Variants in ORAI3 observed in about 807,000 individuals in gnomAD.
The protein encoded by ORAI3 is ORAI calcium release-activated calcium modulator 3.
ORAI3 carries 15 observed loss-of-function variants against 17.2 expected under a neutral mutation model. The ratio of observed to expected loss-of-function variants is 0.87; its 90% CI spans 0.58 to 1.34. The LOEUF (loss-of-function observed/expected upper bound fraction) is 1.34, where lower values mean the gene tolerates loss of function less well. ORAI3 is among the 40% of genes most tolerant of loss of function. The probability of loss-of-function intolerance (pLI) is 0.00; values close to 1 mark genes in which losing one functional copy is unlikely to be tolerated. For missense variants in ORAI3, 405 were observed against 396.7 expected (o/e 1.02, Z -0.18); for synonymous variants, 178 against 172.4 (o/e 1.03, Z -0.25).
At chr16:30,951,400 C>G (rs535378003) in intron 1 of ORAI3, among the ~76,000 whole-genome samples, 2 of 152,310 alleles carry the variant, frequency 1.3e-5, no homozygotes, top group East Asian at 3.9e-4. Flanking sequence ...GTTAAGACAC[C>G]TGCCCAAGGT....
Position 30,953,957 on chromosome 16 carries a change from T to A in ORAI3, c.*113T>A. On this transcript the variant is annotated 3_prime_UTR_variant, in exon 2 of 2. Transcript: ENST00000318663. ...ATCCCCTGGCTGGAGCCACTTCCAGTGGCCACTCTCAGGCAGAGTTCAGAT... is the reference window on the plus strand; with the variant it reads ...ATCCCCTGGCTGGAGCCACTTCCAGAGGCCACTCTCAGGCAGAGTTCAGAT... 1 of 1,199,438 alleles carries A rather than the reference T, an allele frequency of 8.3e-7. No homozygotes were observed. The highest frequency in any genetic ancestry group is 1.3e-5 in the South Asian group (1 of 78,724). 74.3% of individuals were successfully genotyped at this position (1,199,438 alleles called of 1,614,324 possible).
At chr16:30,950,324 C>A (rs563881125) in intron 1 of ORAI3, among the ~76,000 whole-genome samples, 1 of 152,156 alleles carries the variant, frequency 6.6e-6, no homozygotes, top group African/African-American at 2.4e-5. Flanking sequence ...GCCAAGTAAC[C>A]GCCCCAGGGT....
At chr16:30,953,125 G>GA (rs2055932054) in intron 1 of ORAI3, 60 bp from the exon 2 acceptor site, 4 of 1,499,604 alleles carry the variant, frequency 2.7e-6, no homozygotes, top group Non-Finnish European at 3.6e-6. Flanking sequence ...CCGATAGGCG[G>GA]AAAAAATCTC....
Position 30,953,960 on chromosome 16 carries a change from C to A in ORAI3, c.*116C>A. The A allele has an allele frequency of 8.5e-7, 1 of 1,171,872 alleles. No homozygotes were observed. The highest frequency in any genetic ancestry group is 1.2e-6 in the Non-Finnish European group (1 of 813,624). 72.6% of individuals were successfully genotyped at this position (1,171,872 alleles called of 1,614,324 possible). On this transcript the variant is annotated 3_prime_UTR_variant, in exon 2 of 2. Transcript: ENST00000318663. ...CCCTGGCTGGAGCCACTTCCAGTGG[C>A]CACTCTCAGGCAGAGTTCAGATTCC...
chr16:30,949,349 C>A lies in ORAI3; in HGVS notation c.60C>A (p.Ser20Arg). ...EQAPLNPEGE[S>R]PAGSATYREF... ...CCCCGCTGAACCCTGAGGGCGAGAG[C>A]CCTGCAGGCTCGGCCACGTACCGGG... is the stretch of plus-strand genomic sequence containing the variant. Residue 20 changes from serine (S) to arginine (R), a missense_variant, in exon 1 of 2, where the codon AGC (serine) becomes AGA (arginine). Ser to Arg is a moderately radical substitution (Grantham distance 110, BLOSUM62 -1). Transcript: ENST00000318663. The A allele has an allele frequency of 6.5e-7, 1 of 1,537,610 alleles. No homozygotes were observed. The highest frequency in any genetic ancestry group is 8.7e-7 in the Non-Finnish European group (1 of 1,143,536).
chr16:30,953,659 G>T lies in ORAI3; in HGVS notation c.703G>T (p.Gly235Cys). 1 of 1,614,118 alleles carries T rather than the reference G, an allele frequency of 6.2e-7. No homozygotes were observed. The highest frequency in any genetic ancestry group is 8.5e-7 in the Non-Finnish European group (1 of 1,180,020). The change falls in exon 2 of 2, where the codon GGT (glycine) becomes TGT (cysteine). Residue 235 changes from glycine (G) to cysteine (C), a missense_variant. Gly to Cys is a radical substitution (Grantham distance 159, BLOSUM62 -3). Transcript: ENST00000318663. ...CCCACCCCGGCAAGCCTGTGGTGGTGGTGGGGCCCATGGGCCAGGCTGGCA... is the reference window on the plus strand; with the variant it reads ...CCCACCCCGGCAAGCCTGTGGTGGTTGTGGGGCCCATGGGCCAGGCTGGCA... ...ACPPRQACGG[G>C]GAHGPGWQAA...
Position 30,949,516 on chromosome 16 carries a change from TGGTGAGGGGCCGGGAGGGGTCACACCC to T in ORAI3, c.228+4_228+30del. On this transcript the variant is annotated splice_donor_variant and splice_donor_5th_base_variant and coding_sequence_variant and intron_variant, in exon 1 of 2. Coordinates refer to ENST00000318663, the MANE Select transcript of ORAI3 (RefSeq NM_152288.3). LOFTEE classifies it high-confidence loss of function. ...TCTGCCTTGCTCTCGGGCTTCGCCATGGTGAGGGGCCGGGAGGGGTCACACCCGGTGGGGCAGAGCAAGTGGGGGGCA... is the reference window on the plus strand; with the variant it reads ...TCTGCCTTGCTCTCGGGCTTCGCCATGGTGGGGCAGAGCAAGTGGGGGGCA... 3.2e-6 allele frequency: 4 copies of T among 1,266,976 alleles called. No individual in the cohort carries two copies. Among genetic ancestry groups the T allele is most frequent in the Non-Finnish European group, 4.0e-6 (4 of 988,624 alleles). The allele number at this position is 1,266,976 out of a possible 1,614,324, so 78.5% of individuals were successfully genotyped here. A position where few individuals can be genotyped will look rare whatever the true frequency, so the allele number is the denominator to read the frequency against.
intron 1 of ORAI3, 59 bp downstream of exon 1, chr16:30,949,576 G>C (rs1258300405): frequency 1.0e-5 from 8 of 803,776 alleles, no homozygotes; most frequent in East Asian, 4.9e-5. Flanking sequence ...GCACAGGTCG[G>C]GGGGGGGGCG....
At chr16:30,951,705 T>C (rs1162605229) in intron 1 of ORAI3, among the ~76,000 whole-genome samples, 1 of 150,144 alleles carries the variant, frequency 6.7e-6, no homozygotes, top group Admixed American at 6.6e-5. Flanking sequence ...AGACCTGGCA[T>C]CTACCAAAAA....
At position 30,954,679 on chromosome 16, in the gene ORAI3, C is replaced by A; in HGVS notation, c.*835C>A. The A allele has an allele frequency of 6.4e-6, 1 of 156,242 alleles. No homozygotes were observed. The highest frequency in any genetic ancestry group is 1.4e-5 in the Non-Finnish European group (1 of 70,752). The allele number at this position is 156,242 out of a possible 1,614,324, so 9.7% of individuals were successfully genotyped here. A position where few individuals can be genotyped will look rare whatever the true frequency, so the allele number is the denominator to read the frequency against. On this transcript the variant is annotated 3_prime_UTR_variant, in exon 2 of 2. Transcript: ENST00000318663. Reference sequence around the variant, plus strand: ...CCCCACCTTCCCCCACTGTGGTGACCTGTGGCCACTTGCAGAAGGGATGGT... The same window carrying A: ...CCCCACCTTCCCCCACTGTGGTGACATGTGGCCACTTGCAGAAGGGATGGT...
chr16:30,951,930 G>A (rs941233149), intron 1 of ORAI3, among the ~76,000 whole-genome samples: 8 of 152,256 alleles, frequency 5.3e-5, no homozygotes, highest in Non-Finnish European at 7.4e-5. Context: ...AGCAAAACAC[G>A]TCTGCAAGCT....
chr16:30,950,498 G>GA (rs1567344160), intron 1 of ORAI3, among the ~76,000 whole-genome samples: 2 of 152,120 alleles, frequency 1.3e-5, no homozygotes, highest in African/African-American at 4.8e-5. Flanking sequence ...ATCACCCCAG[G>GA]AAAAAGGAGA....
rs756802464 is a variant in ORAI3 at position 30,949,329 on chromosome 16, C to T, written c.40C>T (p.Leu14=). 4.0e-6 allele frequency: 6 copies of T among 1,481,842 alleles called. No individual in the cohort carries two copies. Among genetic ancestry groups the T allele is most frequent in the Non-Finnish European group, 5.4e-6 (6 of 1,117,728 alleles). The allele number at this position is 1,481,842 out of a possible 1,614,324, so 91.8% of individuals were successfully genotyped here. Residue 14 remains leucine, a synonymous_variant, in exon 1 of 2, where the codon CTG becomes TTG. Coordinates refer to ENST00000318663, the MANE Select transcript of ORAI3 (RefSeq NM_152288.3). ...GGGGGACGCGGGCGAGCAGGCCCCG[C>T]TGAACCCTGAGGGCGAGAGCCCTGC... ...GEGDAGEQAP[L]NPEGESPAGS...
At position 30,949,485 on chromosome 16, in the gene ORAI3, C is replaced by T. The variant is rs779471558; in HGVS notation, c.196C>T (p.Arg66Cys). Reference protein sequence around the residue: ...LSRAKLKASSRTSALLSGFAM... With the variant: ...LSRAKLKASSCTSALLSGFAM... ...CCGGGCCAAGCTCAAAGCTTCCAGC[C>T]GCACGTCTGCCTTGCTCTCGGGCTT... The change falls in exon 1 of 2, where the codon CGC (arginine) becomes TGC (cysteine). Residue 66 changes from arginine (R) to cysteine (C), a missense_variant. Coordinates refer to ENST00000318663, the MANE Select transcript of ORAI3 (RefSeq NM_152288.3). The T allele has an allele frequency of 2.5e-6, 4 of 1,605,338 alleles. No homozygotes were observed. Among genetic ancestry groups the T allele is most frequent in the African/African-American group, 2.7e-5 (2 of 74,374 alleles).
chr16:30,953,824 G>A lies in ORAI3; in HGVS notation c.868G>A (p.Gly290Arg), dbSNP rs138243436. 7.4e-6 allele frequency: 12 copies of A among 1,610,836 alleles called. No homozygotes were observed. Among genetic ancestry groups the A allele is most frequent in the Non-Finnish European group, 1.0e-5 (12 of 1,178,792 alleles). Reference protein sequence around the residue: ...QELEELNRLQGELQAV With the variant: ...QELEELNRLQRELQAV Reference sequence around the variant, plus strand: ...ACTAGAGGAACTGAATCGCCTGCAGGGGGAGCTGCAGGCTGTGTGAGACTG... The same window carrying A: ...ACTAGAGGAACTGAATCGCCTGCAGAGGGAGCTGCAGGCTGTGTGAGACTG... Residue 290 changes from glycine to arginine, a missense_variant, in exon 2 of 2, where the codon GGG becomes AGG. By Grantham distance (125) the Gly-to-Arg change is moderately radical (BLOSUM62 -2). Transcript: ENST00000318663.
At position 30,949,620 on chromosome 16, in the gene ORAI3, G is replaced by T. The variant is rs527700213; in HGVS notation, c.228+103G>T. On this transcript the variant is annotated intron_variant, in intron 1 of 1. Coordinates refer to ENST00000318663, the MANE Select transcript of ORAI3 (RefSeq NM_152288.3). ...AGGTCCCAAGGGAGACAGGTTAAAG[G>T]GGGCTTTCGTCAAAGGGGGAAGGAA... 3.2e-5 allele frequency: 26 copies of T among 811,766 alleles called. 1 individual carries two copies. In the Admixed American group the frequency reaches 8.2e-4, roughly 26 times the overall value. The allele number at this position is 811,766 out of a possible 1,614,324, so 50.3% of individuals were successfully genotyped here.
intron 1 of ORAI3, among the ~76,000 whole-genome samples, chr16:30,952,446 T>C (rs1003691234): frequency 2.6e-5 from 4 of 152,118 alleles, no homozygotes; most frequent in African/African-American, 9.7e-5. Flanking sequence ...ATTTCATGTA[T>C]ATTTCATTTA....
intron 1 of ORAI3, among the ~76,000 whole-genome samples, chr16:30,951,149 C>A (rs2055923070): frequency 6.6e-6 from 1 of 152,208 alleles, no homozygotes; most frequent in Admixed American, 6.5e-5. Flanking sequence ...TCTACACCTA[C>A]CTTCTTCTTT....
chr16:30,951,213 A>G (rs1422247317), intron 1 of ORAI3, among the ~76,000 whole-genome samples: 1 of 152,188 alleles, frequency 6.6e-6, no homozygotes, highest in African/African-American at 2.4e-5. Flanking sequence ...ATGGGGAGAG[A>G]GTGGGCTTCT....
Sources: gnomAD v4.1 joint callset for allele counts (sites outside exome capture counted in the v4.1 genomes callset) on GRCh38, gnomAD v4.1.1 for gene constraint, MANE v1.5 for transcripts, NCBI Gene and HGNC (gene_info 2026-07-23, HGNC 2026-07-21) for gene names.